The following PLCB4 variants were observed in gnomAD, a reference collection of about 807,000 sequenced individuals.
PLCB4 encodes the protein phospholipase C beta 4.
PLCB4 carries 77 observed loss-of-function variants against 178.8 expected under a neutral mutation model. The ratio of observed to expected loss-of-function variants is 0.43; its 90% CI spans 0.36 to 0.52. The LOEUF is 0.52. PLCB4 is among the 20% of genes least tolerant of loss of function. The pLI, the probability that PLCB4 is intolerant of heterozygous loss-of-function variation, is 0.00. For missense variants in PLCB4, 1,024 were observed against 1,453.4 expected (o/e 0.70, Z 4.80); for synonymous variants, 496 against 490.8 (o/e 1.01, Z -0.14).
At chr20:9,276,510 C>G (rs964980645) in intron 3 of PLCB4, among the ~76,000 whole-genome samples, 2 of 151,988 alleles carry the variant, frequency 1.3e-5, no homozygotes, top group African/African-American at 4.8e-5. Context: ...CCTCTGGGTA[C>G]ATTTTTATAT....
intron 13 of PLCB4, among the ~76,000 whole-genome samples, chr20:9,382,068 C>T (rs1278493478): frequency 2.6e-5 from 4 of 152,160 alleles, no homozygotes; most frequent in Non-Finnish European, 2.9e-5. Flanking sequence ...CAACATATTT[C>T]GATCCTTCCT....
intron 4 of PLCB4, among the ~76,000 whole-genome samples, chr20:9,336,837 C>T (rs1317609177): frequency 6.6e-6 from 1 of 151,956 alleles, no homozygotes; most frequent in Non-Finnish European, 1.5e-5. Context: ...ATCCTTCTTC[C>T]AAGATATTAA....
In PLCB4 at chr20:9,388,015, G is replaced by A. The variant is rs561546440; in HGVS notation, c.1158+459G>A. On this transcript the variant is annotated intron_variant, in intron 15 of 39. Coordinates refer to ENST00000378473, the MANE Select transcript of PLCB4 (RefSeq NM_001377142.1). ...GCACTTTGGGAAGCCGAGGCAGGGA[G>A]ATCACCTGAGATCAGGAGTTGGAGA... Among the ~76,000 whole-genome samples the A allele has an allele frequency of 3.9e-5, 6 of 152,316 alleles. No homozygotes were observed. The South Asian group carries it at 1.2e-3, about 32-fold the overall frequency.
At chr20:9,321,917 A>G (rs1164481110) in intron 4 of PLCB4, among the ~76,000 whole-genome samples, 4 of 150,484 alleles carry the variant, frequency 2.7e-5, no homozygotes, top group Non-Finnish European at 5.9e-5. Flanking sequence ...CAGGCGTGAG[A>G]GCCACTATGC....
chr20:9,147,193 G>A (rs898980227), intron 2 of PLCB4, among the ~76,000 whole-genome samples: 4 of 152,088 alleles, frequency 2.6e-5, no homozygotes, highest in African/African-American at 9.7e-5. Context: ...GGAAATATGG[G>A]TTAGACAAAG....
At chr20:9,387,761 G>C (rs567150642) in intron 15 of PLCB4, among the ~76,000 whole-genome samples, 30 of 152,268 alleles carry the variant, frequency 2.0e-4, no homozygotes, top group African/African-American at 7.0e-4. Flanking sequence ...TTCAAATGGT[G>C]ACTGTGTTAC....
intron 2 of PLCB4, among the ~76,000 whole-genome samples, chr20:9,109,317 T>C (rs2091490653): frequency 6.6e-6 from 1 of 152,128 alleles, no homozygotes; most frequent in Admixed American, 6.6e-5. Flanking sequence ...TCTGGTCCTT[T>C]CTCTGGAAAT....
intron 1 of PLCB4, among the ~76,000 whole-genome samples, chr20:9,077,112 T>C (rs1389326087): frequency 6.6e-6 from 1 of 152,352 alleles, no homozygotes; most frequent in East Asian, 1.9e-4. Context: ...CACTTAACTG[T>C]ATATCATGGA....
intron 4 of PLCB4, among the ~76,000 whole-genome samples, chr20:9,335,509 A>G (rs2032327526): frequency 6.6e-6 from 1 of 152,192 alleles, no homozygotes; most frequent in Non-Finnish European, 1.5e-5. Flanking sequence ...AAAAAATGTC[A>G]TATACTGGCA....
Position 9,453,396 on chromosome 20 carries a change from T to C in PLCB4, c.2930T>C (p.Val977Ala). 6.2e-7 allele frequency: 1 copy of C among 1,613,254 alleles called. No homozygotes were observed. Residue 977 changes from valine (V) to alanine (A), a missense_variant, in exon 33 of 40, where the codon GTG becomes GCG. Physicochemically the swap from Val to Ala is moderately conservative, Grantham distance 64 (BLOSUM62 0). Coordinates refer to ENST00000378473, the MANE Select transcript of PLCB4 (RefSeq NM_001377142.1). Reference sequence around the variant, plus strand: ...CACTGCACGCAAGTTGACAAAATTGTGGCACAGTATGACAAAGAGAAGTCG... The same window carrying C: ...CACTGCACGCAAGTTGACAAAATTGCGGCACAGTATGACAAAGAGAAGTCG... ...KLHCTQVDKIVAQYDKEKSTH... is the reference protein window; with the variant it reads ...KLHCTQVDKIAAQYDKEKSTH...
At chr20:9,363,598 A>G (rs2035531090) in intron 8 of PLCB4, among the ~76,000 whole-genome samples, 1 of 152,246 alleles carries the variant, frequency 6.6e-6, no homozygotes, top group Non-Finnish European at 1.5e-5. Context: ...GAGGAGTACT[A>G]CAGTGGTAGA....
intron 4 of PLCB4, among the ~76,000 whole-genome samples, chr20:9,333,184 T>C (rs2031950264): frequency 2.0e-5 from 3 of 152,190 alleles, no homozygotes; most frequent in South Asian, 4.1e-4. Context: ...TTTAAGTTAA[T>C]TTGTTAGTTT....
intron 3 of PLCB4, among the ~76,000 whole-genome samples, chr20:9,279,434 G>C (rs186869389): frequency 7.2e-5 from 11 of 151,970 alleles, no homozygotes; most frequent in South Asian, 6.2e-4. Context: ...AAACGTGAAG[G>C]GGGGGAAATG....
chr20:9,424,496 A>G (rs2040858946), intron 28 of PLCB4, among the ~76,000 whole-genome samples: 1 of 152,198 alleles, frequency 6.6e-6, no homozygotes, highest in African/African-American at 2.4e-5. Flanking sequence ...TTAACTTTTT[A>G]TGGCCTCCAT....
At chr20:9,087,684 C>T (rs964989605) in intron 1 of PLCB4, among the ~76,000 whole-genome samples, 2 of 152,154 alleles carry the variant, frequency 1.3e-5, no homozygotes, top group Non-Finnish European at 1.5e-5. Flanking sequence ...AGAGTTGACA[C>T]GGGGGACATA....
intron 2 of PLCB4, among the ~76,000 whole-genome samples, chr20:9,141,545 G>T (rs2092491024): frequency 6.6e-6 from 1 of 152,116 alleles, no homozygotes; most frequent in Non-Finnish European, 1.5e-5. Flanking sequence ...TTTAGATTGA[G>T]ATAAAGATGG....
intron 3 of PLCB4, among the ~76,000 whole-genome samples, chr20:9,262,814 T>C (rs1260313126): frequency 6.6e-6 from 1 of 152,066 alleles, no homozygotes; most frequent in African/African-American, 2.4e-5. Context: ...TGCATTGGAA[T>C]TTGCAGGCAC....
At chr20:9,221,156 C>T (rs2093793880) in intron 3 of PLCB4, among the ~76,000 whole-genome samples, 1 of 152,042 alleles carries the variant, frequency 6.6e-6, no homozygotes, top group African/African-American at 2.4e-5. Context: ...ATGATTCAAG[C>T]AATGTGCCTG....
intron 2 of PLCB4, among the ~76,000 whole-genome samples, chr20:9,203,777 GTTTTTTTTTTTTTT>G (rs553691545): frequency 4.9e-5 from 5 of 101,682 alleles, no homozygotes; most frequent in East Asian, 3.5e-4. Flanking sequence ...TGGGAATAGT[GTTTTTTTTTTTTTT>G]TTTTTTTTTT....
Sources: gnomAD v4.1 joint callset for allele counts (sites outside exome capture counted in the v4.1 genomes callset) on GRCh38, gnomAD v4.1.1 for gene constraint, MANE v1.5 for transcripts, NCBI Gene and HGNC (gene_info 2026-07-23, HGNC 2026-07-21) for gene names.